Variants in TXK observed in about 807,000 individuals in gnomAD.
TXK encodes tyrosine-protein kinase TXK.
In TXK, 60 loss-of-function variants were observed where a neutral mutation model predicts 81.0. The observed-to-expected ratio is 0.74, with a 90% CI of 0.60 to 0.92. The LOEUF is 0.92. Among genes scored for constraint, TXK ranks in the 40% least tolerant of loss-of-function variants. The probability of loss-of-function intolerance (pLI) is 0.00; values close to 1 mark genes in which losing one functional copy is unlikely to be tolerated. For synonymous variants in TXK, 203 were observed against 210.7 expected (o/e 0.96, Z 0.32); for missense variants, 581 against 638.3 (o/e 0.91, Z 0.97).
chr4:48,120,490 T>TC (rs1342446057), intron 1 of TXK, among the ~76,000 whole-genome samples: 2 of 151,574 alleles, frequency 1.3e-5, no homozygotes, highest in Non-Finnish European at 2.9e-5. Context: ...GAAATAAGTC[T>TC]CTTTTTTTTT....
At chr4:48,093,129 C>A (rs559844445) in intron 8 of TXK, among the ~76,000 whole-genome samples, 1 of 152,254 alleles carries the variant, frequency 6.6e-6, no homozygotes, top group Admixed American at 6.5e-5. Flanking sequence ...ACAACTAAGA[C>A]CTTTATTGCC....
At chr4:48,079,721 T>C (rs1276713816) in intron 11 of TXK, among the ~76,000 whole-genome samples, 191 bp downstream of exon 11, 1 of 152,210 alleles carries the variant, frequency 6.6e-6, no homozygotes, top group African/African-American at 2.4e-5. Context: ...GGTGAACCCA[T>C]TCGGCCTTTA....
intron 10 of TXK, among the ~76,000 whole-genome samples, chr4:48,082,405 A>G (rs917247101): frequency 6.6e-6 from 1 of 152,214 alleles, no homozygotes. Context: ...TGGAAGTTTC[A>G]TCTGCATAAT....
intron 8 of TXK, 49 bp downstream of exon 8, chr4:48,094,028 A>C: frequency 1.2e-6 from 2 of 1,611,458 alleles, no homozygotes. Flanking sequence ...TGCATTGCCC[A>C]TCAAGGGCAT....
rs1717543694 is a variant in TXK, at chr4:48,086,647, T to C, written c.785-10A>G. On this transcript the variant is annotated splice_polypyrimidine_tract_variant and intron_variant, in intron 9 of 14. Transcript: ENST00000264316. ...TCTATCTCCCACTTTTCTGAAAAAG[T>C]AAAACATCCATGTTACAAGTAGAAA... is the stretch of plus-strand genomic sequence containing the variant. 3.7e-6 allele frequency: 6 copies of C among 1,611,826 alleles called. No individual in the cohort carries two copies. The highest frequency in any genetic ancestry group is 5.1e-6 in the Non-Finnish European group (6 of 1,178,472).
At chr4:48,104,272 TAATATATAA>T (rs1560354519) in intron 6 of TXK, among the ~76,000 whole-genome samples, 45 of 4,216 alleles carry the variant, frequency 0.011, 19 homozygotes, top group African/African-American at 0.056. Context: ...ATATATAATA[TAATATATAA>T]TATATATAAT....
In TXK at chr4:48,071,652, A is replaced by G; in HGVS notation, c.1380T>C (p.Phe460=). 1.2e-6 allele frequency: 2 copies of G among 1,614,128 alleles called. No homozygotes were observed. Among genetic ancestry groups the G allele is most frequent in the Non-Finnish European group, 1.7e-6 (2 of 1,179,996 alleles). The change falls in exon 14 of 15, where the codon TTT becomes TTC. Residue 460 remains phenylalanine (F), a synonymous_variant. Coordinates refer to ENST00000264316, the MANE Select transcript of TXK (RefSeq NM_003328.3). The stretch of plus-strand genomic sequence containing the variant: ...TTTCAAAAGGCATTTTTCCTTCTGT[A>G]AAAACTTCCCACATTAAAACTCCTG... ...WSFGVLMWEV[F]TEGKMPFENK...
chr4:48,082,322 T>A lies in TXK; in HGVS notation c.957-2194A>T, dbSNP rs1170280967. Among the ~76,000 whole-genome samples, 1,024 of 152,314 alleles carry A rather than the reference T, an allele frequency of 6.7e-3. 13 individuals are homozygous for A. Among genetic ancestry groups the A allele is most frequent in the African/African-American group, 0.023 (963 of 41,570 alleles). On this transcript the variant is annotated intron_variant, in intron 10 of 14. Coordinates refer to ENST00000264316, the MANE Select transcript of TXK (RefSeq NM_003328.3). ...TAACCATTAACATCAACACAGACAC[T>A]GAGACTGATAGAACAGACTCTTTAA...
At chr4:48,083,664 C>A (rs28728359) in intron 10 of TXK, among the ~76,000 whole-genome samples, 194 of 152,332 alleles carry the variant, frequency 1.3e-3, no homozygotes, top group African/African-American at 4.5e-3. Context: ...TTCATTAATT[C>A]ATTCAATAGT....
At chr4:48,112,050 G>C (rs928279231) in intron 4 of TXK, among the ~76,000 whole-genome samples, 25 of 152,264 alleles carry the variant, frequency 1.6e-4, no homozygotes, top group Non-Finnish European at 3.2e-4. Context: ...TACAAATAAA[G>C]AAACAAAAAC....
At position 48,112,431 on chromosome 4, in the gene TXK, G is replaced by C; in HGVS notation, c.256C>G (p.Gln86Glu). Residue 86 changes from glutamine to glutamate, a missense_variant, in exon 4 of 15, where the codon CAA (glutamine) becomes GAA (glutamate). Coordinates refer to ENST00000264316, the MANE Select transcript of TXK (RefSeq NM_003328.3). ...AGAAAATCATAAAGTGCCTTGACTT[G>C]GATCTTCTCTTCAGCAACCTCAGAG... ...PPSEVAEEKIQVKALYDFLPR... is the reference protein window; with the variant it reads ...PPSEVAEEKIEVKALYDFLPR... 6.2e-7 allele frequency: 1 copy of C among 1,614,148 alleles called. No homozygotes were observed. Among genetic ancestry groups the C allele is most frequent in the Non-Finnish European group, 8.5e-7 (1 of 1,180,010 alleles).
intron 3 of TXK, 80 bp from the exon 4 acceptor site, chr4:48,112,592 C>T (rs1363322163): frequency 2.1e-6 from 3 of 1,408,474 alleles, no homozygotes; most frequent in East Asian, 2.4e-5. Flanking sequence ...AGCATATTTG[C>T]CTTCTGCCTC....
chr4:48,086,384 G>T, intron 10 of TXK, 82 bp downstream of exon 10: 1 of 1,423,446 alleles, frequency 7.0e-7, no homozygotes, highest in Non-Finnish European at 9.8e-7. Context: ...ACAAATCCAG[G>T]TGTGGCTGCC....
chr4:48,085,851 T>C (rs747027468), intron 10 of TXK, among the ~76,000 whole-genome samples: 12 of 152,232 alleles, frequency 7.9e-5, no homozygotes, highest in Non-Finnish European at 1.3e-4. Context: ...GAGAGCCATC[T>C]CCATCACTCA....
chr4:48,111,622 G>A (rs921766054), intron 4 of TXK, among the ~76,000 whole-genome samples: 2 of 152,164 alleles, frequency 1.3e-5, no homozygotes, highest in Non-Finnish European at 1.5e-5. Context: ...TGTTAAGAGA[G>A]CCACATCATT....
At chr4:48,099,500 T>A (rs1341529105) in intron 6 of TXK, among the ~76,000 whole-genome samples, 1 of 152,106 alleles carries the variant, frequency 6.6e-6, no homozygotes, top group Non-Finnish European at 1.5e-5. Flanking sequence ...TGCCTGAAAA[T>A]TTTTTTCCCA....
At chr4:48,112,834 T>C (rs991155738) in intron 3 of TXK, among the ~76,000 whole-genome samples, 4 of 152,146 alleles carry the variant, frequency 2.6e-5, no homozygotes, top group Non-Finnish European at 4.4e-5. Context: ...TTTTTTCTCC[T>C]TAAAAGAAGA....
At position 48,073,270 on chromosome 4, in the gene TXK, C is replaced by T. The variant is rs1716935683; in HGVS notation, c.1357+665G>A. 2.0e-5 allele frequency among the ~76,000 whole-genome samples: 3 copies of T among 152,088 alleles called. No individual in the cohort carries two copies. In the South Asian group the frequency reaches 6.2e-4, roughly 32 times the overall value. ...ATAAAACTGACACCCTTCTGAGGAC[C>T]CAGAACCCACAAGCCTCCAGGAAGT... On this transcript the variant is annotated intron_variant, in intron 13 of 14. Coordinates refer to ENST00000264316, the MANE Select transcript of TXK (RefSeq NM_003328.3).
Position 48,104,964 on chromosome 4 carries a change from G to T in TXK, c.447-9C>A. The T allele has an allele frequency of 6.4e-7, 1 of 1,570,428 alleles. No homozygotes were observed. The highest frequency in any genetic ancestry group is 8.6e-7 in the Non-Finnish European group (1 of 1,159,156). On this transcript the variant is annotated splice_polypyrimidine_tract_variant and intron_variant, in intron 5 of 14. Coordinates refer to ENST00000264316, the MANE Select transcript of TXK (RefSeq NM_003328.3). ...TGTTTCTATGGTACCACCTGTAAAAGCAATAAAAATGATTTTTAAATTTTA... is the reference window on the plus strand; with the variant it reads ...TGTTTCTATGGTACCACCTGTAAAATCAATAAAAATGATTTTTAAATTTTA...
Sources: allele counts gnomAD v4.1 joint callset (sites outside exome capture counted in the v4.1 genomes callset), GRCh38; gene constraint gnomAD v4.1.1; transcripts MANE v1.5; gene names NCBI Gene and HGNC (gene_info 2026-07-23, HGNC 2026-07-21).